Variants in SHTN1 observed in about 807,000 individuals in gnomAD.
The protein encoded by SHTN1 is shootin-1.
Under a neutral mutation model 83.1 loss-of-function variants are expected in SHTN1, and 42 were observed. The observed-to-expected ratio is 0.51, with a 90% CI of 0.39 to 0.65. SHTN1 has a LOEUF of 0.65. SHTN1 is among the 30% of genes least tolerant of loss of function. The pLI, the probability that SHTN1 is intolerant of heterozygous loss-of-function variation, is 0.00. For synonymous variants in SHTN1, 224 were observed against 247.7 expected (o/e 0.90, Z 0.90); for missense variants, 622 against 737.8 (o/e 0.84, Z 1.82).
intron 15 of SHTN1, among the ~76,000 whole-genome samples, chr10:116,905,861 C>G (rs1241768545): frequency 6.6e-6 from 1 of 152,170 alleles, no homozygotes; most frequent in Non-Finnish European, 1.5e-5. Context: ...CATGACCGAG[C>G]TGATGAAACC....
intron 12 of SHTN1, among the ~76,000 whole-genome samples, chr10:116,916,055 C>T (rs887952523): frequency 6.6e-6 from 1 of 152,166 alleles, no homozygotes; most frequent in African/African-American, 2.4e-5. Flanking sequence ...TTTAAGCAAA[C>T]CTTTCTCAAG....
intron 3 of SHTN1, among the ~76,000 whole-genome samples, chr10:116,964,286 A>G (rs1032524034): frequency 1.3e-5 from 2 of 152,188 alleles, no homozygotes; most frequent in African/African-American, 4.8e-5. Context: ...CAACAATCCT[A>G]TAACGTAGGG....
intron 2 of SHTN1, among the ~76,000 whole-genome samples, chr10:117,010,682 C>T (rs915663259): frequency 6.6e-6 from 1 of 152,154 alleles, no homozygotes; most frequent in African/African-American, 2.4e-5. Context: ...AAATCCTCAA[C>T]AAAATACTAA....
At chr10:117,106,124 T>TA (rs1312799732) in intron 1 of SHTN1, among the ~76,000 whole-genome samples, 1 of 144,280 alleles carries the variant, frequency 6.9e-6, no homozygotes, top group Admixed American at 6.9e-5. Context: ...AGAAAAAAGA[T>TA]AAAAAAAAGA....
chr10:117,111,496 G>A (rs370962829), intron 1 of SHTN1, among the ~76,000 whole-genome samples: 2 of 151,896 alleles, frequency 1.3e-5, no homozygotes, highest in African/African-American at 2.4e-5. Flanking sequence ...GTTTCACCAC[G>A]TTGGCCAGGC....
At chr10:117,022,962 G>C (rs942323094) in intron 2 of SHTN1, among the ~76,000 whole-genome samples, 2 of 152,136 alleles carry the variant, frequency 1.3e-5, no homozygotes, top group Non-Finnish European at 1.5e-5. Flanking sequence ...ACCTTGGCAT[G>C]ATTTAATTTC....
chr10:116,889,802 A>G (rs1847279696), intron 16 of SHTN1, among the ~76,000 whole-genome samples: 1 of 152,112 alleles, frequency 6.6e-6, no homozygotes, highest in Non-Finnish European at 1.5e-5. Flanking sequence ...CATCTTCCAG[A>G]TCTGTAAATA....
chr10:116,937,293 C>G (rs978855543), intron 9 of SHTN1, among the ~76,000 whole-genome samples: 1 of 152,180 alleles, frequency 6.6e-6, no homozygotes, highest in Admixed American at 6.5e-5. Context: ...TTTGCAGTAG[C>G]TGGTACCAGT....
intron 15 of SHTN1, among the ~76,000 whole-genome samples, chr10:116,903,284 GCAC>G (rs1847820019): frequency 1.3e-5 from 2 of 152,222 alleles, no homozygotes; most frequent in Non-Finnish European, 2.9e-5. Context: ...TGTAATCCCA[GCAC>G]TTTGAGAGGC....
In SHTN1 at chr10:116,903,483, C is replaced by T. The variant is rs560185209; in HGVS notation, c.1481-1526G>A. 1.4e-4 allele frequency among the ~76,000 whole-genome samples: 21 copies of T among 152,036 alleles called. 1 individual carries two copies. The South Asian group carries it at 4.4e-3, about 32-fold the overall frequency. On this transcript the variant is annotated intron_variant, in intron 15 of 16. Coordinates refer to ENST00000355371, the MANE Select transcript of SHTN1 (RefSeq NM_001127211.3). Reference sequence around the variant, plus strand: ...GAGGTTGCAGTGAGCCGAGATCACGCCACTGCACTCCAGCCTGGGCGACAA... The same window carrying T: ...GAGGTTGCAGTGAGCCGAGATCACGTCACTGCACTCCAGCCTGGGCGACAA...
chr10:117,100,425 T>G (rs1304582961), intron 1 of SHTN1, among the ~76,000 whole-genome samples: 1 of 152,178 alleles, frequency 6.6e-6, no homozygotes, highest in African/African-American at 2.4e-5. Flanking sequence ...ATAGAAAAAT[T>G]TGCCAAACCT....
rs1321034376 is a variant in SHTN1, at chr10:116,942,074, T to G, written c.712-1462A>C. On this transcript the variant is annotated intron_variant, in intron 8 of 16. Coordinates refer to ENST00000355371, the MANE Select transcript of SHTN1 (RefSeq NM_001127211.3). Reference sequence around the variant, plus strand: ...ACTGCAGTGAGGAAGAGTATGTGCATGTACACTTGGCTGGAGAAGGGTGAG... The same window carrying G: ...ACTGCAGTGAGGAAGAGTATGTGCAGGTACACTTGGCTGGAGAAGGGTGAG... 2.0e-5 allele frequency among the ~76,000 whole-genome samples: 3 copies of G among 152,206 alleles called. No individual in the cohort carries two copies. The East Asian group carries it at 5.8e-4, about 29-fold the overall frequency.
intron 9 of SHTN1, among the ~76,000 whole-genome samples, chr10:116,932,552 G>C (rs987603734): frequency 3.3e-5 from 5 of 152,120 alleles, no homozygotes; most frequent in Non-Finnish European, 5.9e-5. Context: ...TGATGCTCTA[G>C]AGTATACTGT....
intron 1 of SHTN1, among the ~76,000 whole-genome samples, chr10:117,120,077 AC>A (rs1853901765): frequency 6.6e-6 from 1 of 152,274 alleles, no homozygotes; most frequent in Non-Finnish European, 1.5e-5. Context: ...GTTAATGGGT[AC>A]AAAAAAAATA....
At chr10:117,009,964 T>G (rs567688101), upstream of SHTN1, among the ~76,000 whole-genome samples, 35 of 151,566 alleles carry the variant, frequency 2.3e-4, no homozygotes, top group South Asian at 5.2e-3. Flanking sequence ...AGAGAGAAAT[T>G]TATAGTTCTA....
In SHTN1 at chr10:116,976,356, G is replaced by A. The variant is rs936907428; in HGVS notation, c.111+2900C>T. On this transcript the variant is annotated intron_variant, in intron 2 of 16. Transcript: ENST00000355371. ...GCCCAAAGGAATCACATCCACCGCC[G>A]CCTCCCATTGATAAGGTTCATGACC... Among the ~76,000 whole-genome samples the A allele has an allele frequency of 1.4e-4, 21 of 152,274 alleles. No individual in the cohort carries two copies. In the Middle Eastern group the frequency reaches 0.01, roughly 74 times the overall value.
rs192218238 is a variant in SHTN1 at position 117,077,485 on chromosome 10, T to C, written c.-188-28975A>G. Among the ~76,000 whole-genome samples the C allele has an allele frequency of 1.4e-3, 208 of 145,728 alleles. 1 individual carries two copies. The highest frequency in any genetic ancestry group is 2.7e-3 in the Non-Finnish European group (186 of 67,786). The stretch of plus-strand genomic sequence containing the variant: ...TTTTTATTAGGAGGGAGGAGAATCT[T>C]TTTTTTTATTATTTTAAGTTTTAGG... On this transcript the variant is annotated intron_variant, in intron 1 of 17. Transcript: ENST00000392901.
At position 116,980,421 on chromosome 10, in the gene SHTN1, G is replaced by A. The variant is rs527302733; in HGVS notation, c.59-1113C>T. Among the ~76,000 whole-genome samples, 57 of 152,110 alleles carry A rather than the reference G, an allele frequency of 3.7e-4. No individual in the cohort carries two copies. The South Asian group carries it at 0.01, about 28-fold the overall frequency. ...TGATCCTCTCACCTCAGCCTCCTGA[G>A]CAGCTGGAACTACAGGCACATACTA... On this transcript the variant is annotated intron_variant, in intron 1 of 16. Coordinates refer to ENST00000355371, the MANE Select transcript of SHTN1 (RefSeq NM_001127211.3).
chr10:117,012,665 G>GA lies in SHTN1; in HGVS notation c.-122-33358dup, dbSNP rs1214406022. Among the ~76,000 whole-genome samples the GA allele has an allele frequency of 3.3e-5, 5 of 151,906 alleles. No individual in the cohort carries two copies. In the East Asian group the frequency reaches 9.7e-4, roughly 29 times the overall value. ...AAAACTTTAAAAATGAGACACAAGAGAAAAAACCGTGTAACCTAAAGTCTG... is the reference window on the plus strand; with the variant it reads ...AAAACTTTAAAAATGAGACACAAGAGAAAAAAACCGTGTAACCTAAAGTCTG... On this transcript the variant is annotated intron_variant, in intron 2 of 17. Coordinates refer to the SHTN1 transcript ENST00000392901.
Sources: allele counts gnomAD v4.1 joint callset (sites outside exome capture counted in the v4.1 genomes callset), GRCh38; gene constraint gnomAD v4.1.1; transcripts MANE v1.5; gene names NCBI Gene and HGNC (gene_info 2026-07-23, HGNC 2026-07-21).